Variants in SLC13A5 observed in about 807,000 individuals in gnomAD.
SLC13A5 encodes solute carrier family 13 member 5, also known as Na(+)/citrate cotransporter.
A neutral mutation model predicts 56.5 loss-of-function variants in SLC13A5; 25 were observed. That is an observed-to-expected ratio of 0.44 (90% CI 0.32 to 0.62). The LOEUF is 0.62. SLC13A5 is among the 20% of genes least tolerant of loss of function. SLC13A5 has a pLI of 0.04. For missense variants in SLC13A5, 649 were observed against 737.8 expected (o/e 0.88, Z 1.39); for synonymous variants, 307 against 301.5 (o/e 1.02, Z -0.19).
At position 6,693,137 on chromosome 17, in the gene SLC13A5, A is replaced by T. The variant is rs1320803111; in HGVS notation, c.1182T>A (p.Pro394=). 1.3e-6 allele frequency: 2 copies of T among 1,597,684 alleles called. No homozygotes were observed. Among genetic ancestry groups the T allele is most frequent in the Admixed American group, 1.7e-5 (1 of 58,918 alleles). ...GGGTTACCTTCCAATCCAGCAGGGG[A>T]GGGGGATAAAATGGAGTTTTCCTTT... ...EEERKTPFYP[P]PLLDWKVTQE... is the part of the protein sequence containing the mutation. Residue 394 remains proline (P), a synonymous_variant, in exon 9 of 12, where the codon CCT becomes CCA. Transcript: ENST00000433363.
intron 10 of SLC13A5, 131 bp downstream of exon 10, chr17:6,690,648 C>T: frequency 2.3e-6 from 3 of 1,283,554 alleles, no homozygotes; most frequent in Non-Finnish European, 3.3e-6. Flanking sequence ...AAATCCACGT[C>T]ACAGTCAGAC....
Position 6,704,001 on chromosome 17 carries a change from T to C in SLC13A5, c.424A>G (p.Thr142Ala), listed in dbSNP as rs755331183. Reference sequence around the variant, plus strand: ...GGCACCATCATGGCCGTGGTTGCCGTGTTACTGATCCACATGGACAGGAGG... The same window carrying C: ...GGCACCATCATGGCCGTGGTTGCCGCGTTACTGATCCACATGGACAGGAGG... ...TALLSMWISN[T>A]ATTAMMVPIV... Residue 142 changes from threonine to alanine, a missense_variant, in exon 4 of 12, where the codon ACG (threonine) becomes GCG (alanine). Thr to Ala is a moderately conservative substitution (Grantham distance 58). Coordinates refer to ENST00000433363, the MANE Select transcript of SLC13A5 (RefSeq NM_177550.5). 11 of 1,613,064 alleles carry C rather than the reference T, an allele frequency of 6.8e-6. No individual in the cohort carries two copies. Among genetic ancestry groups the C allele is most frequent in the Non-Finnish European group, 8.5e-6 (10 of 1,179,584 alleles).
rs574024704 is a variant in SLC13A5, at chr17:6,711,605, C to T, written c.102+1627G>A. Reference sequence around the variant, plus strand: ...TTGTGTGTTTGGGTGTGTGTTTGTGCGTGTGTTTTTGTGTGTGTTTGTGTT... The same window carrying T: ...TTGTGTGTTTGGGTGTGTGTTTGTGTGTGTGTTTTTGTGTGTGTTTGTGTT... On this transcript the variant is annotated intron_variant, in intron 1 of 11. Transcript: ENST00000433363. This position sits in a 1 kb window ranked among gnomAD's most constrained non-coding sequence, Gnocchi z 4.0. Among the ~76,000 whole-genome samples, 9 of 141,782 alleles carry T rather than the reference C, an allele frequency of 6.3e-5. No homozygotes were observed. Among genetic ancestry groups the T allele is most frequent in the East Asian group, 4.1e-4 (2 of 4,828 alleles). 93.0% of individuals were successfully genotyped at this position (141,782 alleles called of 152,430 possible). A position where few individuals can be genotyped will look rare whatever the true frequency, so the allele number is the denominator to read the frequency against.
At chr17:6,709,418 C>T (rs867395748) in intron 1 of SLC13A5, among the ~76,000 whole-genome samples, 26 of 152,084 alleles carry the variant, frequency 1.7e-4, no homozygotes, top group African/African-American at 5.5e-4. Flanking sequence ...TACAGACAAG[C>T]GCCACCACGC....
chr17:6,703,757 T>C (rs1973782322), intron 4 of SLC13A5, 121 bp downstream of exon 4: 4 of 1,001,838 alleles, frequency 4.0e-6, no homozygotes, highest in Non-Finnish European at 5.6e-6. Flanking sequence ...TTTTTCTCTA[T>C]GCGTGTTTAA....
intron 3 of SLC13A5, 108 bp downstream of exon 3, chr17:6,706,534 C>T (rs1973867612): frequency 1.4e-6 from 2 of 1,467,688 alleles, no homozygotes; most frequent in African/African-American, 2.8e-5. Flanking sequence ...CAGGTAAGCC[C>T]ATGGCCAGCC....
At chr17:6,686,468 G>A (rs764177623) in intron 11 of SLC13A5, 130 bp from the exon 12 acceptor site, 121 of 1,150,190 alleles carry the variant, frequency 1.1e-4, no homozygotes, top group South Asian at 5.8e-4. Context: ...GGGGTGTCCC[G>A]ACCCCCAGGA....
chr17:6,697,773 T>C (rs372725336), intron 6 of SLC13A5, among the ~76,000 whole-genome samples: 23 of 152,266 alleles, frequency 1.5e-4, no homozygotes, highest in Middle Eastern at 3.4e-3. Flanking sequence ...TAATATCCCA[T>C]GTAGTTCTTG....
At chr17:6,710,118 G>A (rs930826802) in intron 1 of SLC13A5, among the ~76,000 whole-genome samples, 2 of 152,246 alleles carry the variant, frequency 1.3e-5, no homozygotes, top group Non-Finnish European at 2.9e-5. Flanking sequence ...GGCGCCCACT[G>A]TCAGCCACTG....
chr17:6,696,235 G>A (rs778290968), intron 6 of SLC13A5, among the ~76,000 whole-genome samples: 3 of 152,136 alleles, frequency 2.0e-5, no homozygotes, highest in African/African-American at 4.8e-5. Context: ...AAGGAGCTTC[G>A]GAGCCTGCGC....
Position 6,687,589 on chromosome 17 carries a change from A to G in SLC13A5, c.1515T>C (p.Pro505=). Residue 505 remains proline (P), a synonymous_variant, in exon 11 of 12, where the codon CCT becomes CCC. Coordinates refer to ENST00000433363, the MANE Select transcript of SLC13A5 (RefSeq NM_177550.5). This position sits in a 1 kb window ranked among gnomAD's most constrained non-coding sequence, Gnocchi z 5.0. The part of the protein sequence containing the change: ...TLSASFAFML[P]VATPPNAIVF... ...CGATGGCATTTGGAGGGGTGGCCAC[A>G]GGCAACATGAAGGCAAAGGAGGCAC... The G allele has an allele frequency of 6.2e-7, 1 of 1,613,918 alleles. No individual in the cohort carries two copies.
chr17:6,699,497 GTC>G (rs1028942205), intron 6 of SLC13A5, among the ~76,000 whole-genome samples: 1 of 152,058 alleles, frequency 6.6e-6, no homozygotes, highest in African/African-American at 2.4e-5. Context: ...TTGAGACAGA[GTC>G]TTGCTCTGTC....
At chr17:6,694,479 A>G (rs1169523955) in intron 7 of SLC13A5, among the ~76,000 whole-genome samples, 1 of 152,208 alleles carries the variant, frequency 6.6e-6, no homozygotes, top group Non-Finnish European at 1.5e-5. Flanking sequence ...TTAGCCAGAC[A>G]TGCTGGCGGG....
At chr17:6,697,608 C>T (rs969010215) in intron 6 of SLC13A5, among the ~76,000 whole-genome samples, 16 of 152,230 alleles carry the variant, frequency 1.1e-4, no homozygotes, top group Admixed American at 6.5e-5. Flanking sequence ...CACCATGATG[C>T]ACCATGGTGA....
rs573861452 is a variant in SLC13A5, at chr17:6,711,251, G to C, written c.102+1981C>G. ...GGGCGGCCATGGAGGGTGGGGGCAGGGTGACCAAAACAGGCAGAAAGGGAA... is the reference window on the plus strand; with the variant it reads ...GGGCGGCCATGGAGGGTGGGGGCAGCGTGACCAAAACAGGCAGAAAGGGAA... On this transcript the variant is annotated intron_variant, in intron 1 of 11. Transcript: ENST00000433363. This position sits in a 1 kb window ranked among gnomAD's most constrained non-coding sequence, Gnocchi z 4.0. 5.9e-5 allele frequency among the ~76,000 whole-genome samples: 9 copies of C among 152,210 alleles called. No homozygotes were observed. The South Asian group carries it at 1.9e-3, about 32-fold the overall frequency.
chr17:6,706,641 C>A lies in SLC13A5; in HGVS notation c.368+1G>T, dbSNP rs757337435. 2 of 1,613,122 alleles carry A rather than the reference C, an allele frequency of 1.2e-6. No individual in the cohort carries two copies. The highest frequency in any genetic ancestry group is 1.7e-6 in the Non-Finnish European group (2 of 1,179,684). On this transcript the variant is annotated splice_donor_variant, in intron 3 of 11. Transcript: ENST00000433363. LOFTEE classifies it high-confidence loss of function. The stretch of plus-strand genomic sequence containing the variant: ...TGGCAAGAGAGAGAAGGCGTAATTA[C>A]CGTGCAGGCTTGGCCCCCACCCAGA...
chr17:6,704,429 G>C, intron 3 of SLC13A5: 1 of 376,966 alleles, frequency 2.7e-6, no homozygotes, highest in Non-Finnish European at 5.3e-6. Flanking sequence ...TTGCCCTAGG[G>C]TGTGCTGGAA....
intron 3 of SLC13A5, 44 bp downstream of exon 3, chr17:6,706,598 G>C: frequency 1.2e-6 from 2 of 1,602,078 alleles, no homozygotes; most frequent in Non-Finnish European, 1.7e-6. Context: ...CCAGCCCTGG[G>C]GCTCATGCAG....
chr17:6,712,885 G>A (rs968593319), intron 1 of SLC13A5, among the ~76,000 whole-genome samples: 3 of 152,228 alleles, frequency 2.0e-5, no homozygotes, highest in African/African-American at 4.8e-5. Flanking sequence ...GGGAAACAGG[G>A]TTATGCACTG....
Sources: gnomAD v4.1 joint callset for allele counts (sites outside exome capture counted in the v4.1 genomes callset) on GRCh38, gnomAD v4.1.1 for gene constraint, Gnocchi (gnomAD v3.1) non-coding constraint, MANE v1.5 for transcripts, NCBI Gene and HGNC (gene_info 2026-07-23, HGNC 2026-07-21) for gene names.